The following SLC38A6 variants were observed in gnomAD, a reference collection of about 807,000 sequenced individuals.
The protein encoded by SLC38A6 is N system amino acid transporter NAT-1.
SLC38A6 carries 73 observed loss-of-function variants against 65.0 expected under a neutral mutation model. The ratio of observed to expected loss-of-function variants is 1.12; its 90% confidence interval spans 0.93 to 1.37. SLC38A6 has a LOEUF of 1.37. SLC38A6 is among the 40% of genes most tolerant of loss of function. The pLI is 0.00. For missense variants in SLC38A6, 561 were observed against 531.1 expected, an observed-to-expected ratio of 1.06 and a Z score of -0.55; for synonymous variants, 183 against 178.8, an observed-to-expected ratio of 1.02 and a Z score of -0.19.
chr14:61,044,591 G>T (rs1327935778), intron 10 of SLC38A6, among the ~76,000 whole-genome samples: 4 of 152,130 alleles, frequency 2.6e-5, no homozygotes, highest in African/African-American at 9.7e-5. Context: ...TTGTTTAAGA[G>T]CCTGAAGTTA....
At chr14:61,045,930 G>A (rs1019518609) in intron 11 of SLC38A6, 137 bp from the exon 12 acceptor site, 29 of 535,226 alleles carry the variant, frequency 5.4e-5, no homozygotes, top group African/African-American at 1.8e-4. Flanking sequence ...TACTAATTTC[G>A]AATGAGGACT....
At chr14:61,033,785 A>G (rs1463727770) in intron 6 of SLC38A6, among the ~76,000 whole-genome samples, 2 of 152,144 alleles carry the variant, frequency 1.3e-5, no homozygotes, top group African/African-American at 2.4e-5. Context: ...AAAGCACTGT[A>G]TTTAAAATTG....
At chr14:61,069,928 A>G (rs2043170795) in intron 15 of SLC38A6, among the ~76,000 whole-genome samples, 1 of 152,098 alleles carries the variant, frequency 6.6e-6, no homozygotes, top group Non-Finnish European at 1.5e-5. Context: ...GAGAGAGAGA[A>G]TACACAAACA....
In SLC38A6 at chr14:61,050,516, A is replaced by G; in HGVS notation, c.930A>G (p.Lys310=). ...TCCTTATTATTTTATTTACAGACAAAGTGGAGTCAGAATTACTAAAAGGTT... is the reference window on the plus strand; with the variant it reads ...TCCTTATTATTTTATTTACAGACAAGGTGGAGTCAGAATTACTAAAAGGTT... The part of the protein sequence containing the change: ...ALFGYLTFYD[K]VESELLKGYS... The change falls in exon 13 of 16, where the codon AAA becomes AAG. Residue 310 remains lysine (K), a synonymous_variant. Coordinates refer to ENST00000267488, the MANE Select transcript of SLC38A6 (RefSeq NM_153811.3). 6.6e-7 allele frequency: 1 copy of G among 1,514,628 alleles called. No homozygotes were observed. The highest frequency in any genetic ancestry group is 1.3e-5 in the South Asian group (1 of 79,986). The allele number at this position is 1,514,628 out of a possible 1,614,324, so 93.8% of individuals were successfully genotyped here.
At chr14:61,077,905 A>G (rs534744218) in intron 15 of SLC38A6, among the ~76,000 whole-genome samples, 2 of 152,256 alleles carry the variant, frequency 1.3e-5, no homozygotes, top group Non-Finnish European at 2.9e-5. Context: ...GCCCTACTGT[A>G]GCAATCTAGA....
chr14:61,051,598 A>G lies in SLC38A6; in HGVS notation c.1051-189A>G, dbSNP rs759984930. Among the ~76,000 whole-genome samples, 60 of 152,194 alleles carry G rather than the reference A, an allele frequency of 3.9e-4. 1 individual carries two copies. The highest frequency in any genetic ancestry group is 2.1e-4 in the South Asian group (1 of 4,830). Reference sequence around the variant, plus strand: ...AAAGCTAAGTATTTTTATGAAGCTTACACAGAAAGGGTTAGTATATAAACA... The same window carrying G: ...AAAGCTAAGTATTTTTATGAAGCTTGCACAGAAAGGGTTAGTATATAAACA... On this transcript the variant is annotated intron_variant, in intron 13 of 15. Coordinates refer to ENST00000267488, the MANE Select transcript of SLC38A6 (RefSeq NM_153811.3).
rs746571409 is a variant in SLC38A6 at position 60,982,574 on chromosome 14, A to G, written c.172A>G (p.Ile58Val). The change falls in exon 2 of 16, where the codon ATC (isoleucine) becomes GTC (valine). Residue 58 changes from isoleucine (I) to valine (V), a missense_variant. Transcript: ENST00000267488. The stretch of plus-strand genomic sequence containing the variant: ...ATCAGTGTTTAATTTGATGAATGCC[A>G]TCATGGGAAGTGGCATCCTTGGCTT... ...GLSVFNLMNAIMGSGILGLAY... is the reference protein window; with the variant it reads ...GLSVFNLMNAVMGSGILGLAY... 1.1e-5 allele frequency: 18 copies of G among 1,613,976 alleles called. No individual in the cohort carries two copies. The Admixed American group carries it at 1.2e-4, about 10-fold the overall frequency.
intron 3 of SLC38A6, among the ~76,000 whole-genome samples, chr14:61,015,303 G>T (rs1023361123): frequency 6.6e-6 from 1 of 152,156 alleles, no homozygotes; most frequent in Non-Finnish European, 1.5e-5. Flanking sequence ...GACTAGGAAA[G>T]GGAATTCCCT....
intron 15 of SLC38A6, among the ~76,000 whole-genome samples, chr14:61,066,451 A>G (rs2043020704): frequency 6.6e-6 from 1 of 152,202 alleles, no homozygotes. Context: ...AGGTGGGAAT[A>G]AGAGGTTTAT....
At chr14:60,984,468 T>G (rs1442574703) in intron 2 of SLC38A6, among the ~76,000 whole-genome samples, 6 of 151,024 alleles carry the variant, frequency 4.0e-5, no homozygotes, top group Non-Finnish European at 8.8e-5. Flanking sequence ...GACTGCAAAA[T>G]GAGGAAGTTT....
At position 60,984,832 on chromosome 14, in the gene SLC38A6, T is replaced by G. The variant is rs142399956; in HGVS notation, c.310+29T>G. On this transcript the variant is annotated intron_variant, in intron 3 of 15. Coordinates refer to ENST00000267488, the MANE Select transcript of SLC38A6 (RefSeq NM_153811.3). ...AGTAAAAATGTTATGCTGCTTCATT[T>G]AATAAAGGAGTCTCTTGAGTTTGTA... The G allele has an allele frequency of 3.0e-3, 4,710 of 1,592,126 alleles. 15 individuals carry two copies. Among genetic ancestry groups the G allele is most frequent in the Non-Finnish European group, 3.4e-3 (3,931 of 1,160,624 alleles).
chr14:61,081,546 G>A lies in SLC38A6; in HGVS notation c.1409-2009G>A, dbSNP rs113862663. 2.6e-3 allele frequency among the ~76,000 whole-genome samples: 402 copies of A among 152,122 alleles called. 2 individuals carry two copies. The highest frequency in any genetic ancestry group is 9.2e-3 in the African/African-American group (380 of 41,478). On this transcript the variant is annotated intron_variant, in intron 16 of 16. Transcript: ENST00000354886. The stretch of plus-strand genomic sequence containing the variant: ...ATAAAAATACAAAAATTAGCTAGGC[G>A]TAGTAGTGTGTGCCTGTAATCCCAG...
chr14:61,079,106 G>T (rs989600022), intron 16 of SLC38A6, among the ~76,000 whole-genome samples: 6 of 145,150 alleles, frequency 4.1e-5, no homozygotes, highest in Admixed American at 3.5e-4. Flanking sequence ...CATCTTAAGA[G>T]ACTTCCTATG....
chr14:61,042,557 T>G (rs185457045), intron 8 of SLC38A6, among the ~76,000 whole-genome samples: 91 of 152,314 alleles, frequency 6.0e-4, no homozygotes, highest in Non-Finnish European at 1.0e-3. Flanking sequence ...TTAATGTTTT[T>G]TTTGTTTGTT....
intron 5 of SLC38A6, among the ~76,000 whole-genome samples, chr14:61,019,876 G>C (rs1360347735): frequency 6.6e-6 from 1 of 152,058 alleles, no homozygotes; most frequent in Non-Finnish European, 1.5e-5. Flanking sequence ...GTCTGGAAAA[G>C]CTCTCCTGGT....
chr14:61,004,341 A>C (rs1283944478), intron 3 of SLC38A6: 1 of 152,166 alleles, frequency 6.6e-6, no homozygotes, highest in Non-Finnish European at 1.5e-5. Context: ...CTGACAGAGA[A>C]ACTGATGTAA....
At chr14:61,035,678 A>G (rs919211378) in intron 6 of SLC38A6, among the ~76,000 whole-genome samples, 2 of 152,196 alleles carry the variant, frequency 1.3e-5, no homozygotes, top group African/African-American at 4.8e-5. Flanking sequence ...TAATTTTGCT[A>G]GATTAATTGA....
Position 61,001,270 on chromosome 14 carries a change from AAAT to A in SLC38A6, c.311-14630_311-14628del, listed in dbSNP as rs2038692239. ...AATACACAGGACAGCCCCCAACAAC[AAAT>A]AATGATCTGGGCCCAAAAGTAGTGG... On this transcript the variant is annotated intron_variant, in intron 3 of 15. Coordinates refer to ENST00000267488, the MANE Select transcript of SLC38A6 (RefSeq NM_153811.3). 3.3e-5 allele frequency among the ~76,000 whole-genome samples: 5 copies of A among 152,196 alleles called. No individual in the cohort carries two copies. In the South Asian group the frequency reaches 1.0e-3, roughly 32 times the overall value.
intron 3 of SLC38A6, among the ~76,000 whole-genome samples, chr14:61,000,690 T>C (rs556132865): frequency 6.6e-6 from 1 of 152,166 alleles, no homozygotes; most frequent in Non-Finnish European, 1.5e-5. Context: ...AATATCTACA[T>C]GACGTACTGG....
Sources: gnomAD v4.1 joint callset for allele counts (sites outside exome capture counted in the v4.1 genomes callset) on GRCh38, gnomAD v4.1.1 for gene constraint, MANE v1.5 for transcripts, NCBI Gene and HGNC (gene_info 2026-07-23, HGNC 2026-07-21) for gene names.